HADH: variants seen among roughly 807,000 people sequenced by gnomAD.
The protein encoded by HADH is hydroxyacyl-CoA dehydrogenase.
HADH carries 24 observed loss-of-function variants against 32.2 expected under a neutral mutation model. The observed-to-expected ratio is 0.75, with a 90% confidence interval of 0.54 to 1.05. The LOEUF is 1.05. Ranked by LOEUF, HADH falls within the 50% of genes least tolerant of loss-of-function variation. HADH has a pLI of 0.00. For missense variants in HADH, 350 were observed against 397.1 expected, an observed-to-expected ratio of 0.88 and a Z score of 1.01; for synonymous variants, 139 against 152.5, an observed-to-expected ratio of 0.91 and a Z score of 0.65.
intron 1 of HADH, chr4:108,004,694 A>G (rs1195106394): frequency 1.3e-6 from 2 of 1,527,786 alleles, no homozygotes; most frequent in South Asian, 2.4e-5. Flanking sequence ...GCAATGAGGG[A>G]TAATTCTTTC....
intron 1 of HADH, among the ~76,000 whole-genome samples, chr4:107,994,748 C>T (rs545838474): frequency 1.1e-4 from 17 of 152,202 alleles, no homozygotes; most frequent in East Asian, 3.9e-4. Context: ...CCCTACTTCC[C>T]GAGTTGTTGC....
intron 1 of HADH, among the ~76,000 whole-genome samples, chr4:108,003,840 C>T (rs1430676420): frequency 7.9e-5 from 12 of 151,682 alleles, no homozygotes; most frequent in Admixed American, 2.0e-4. Context: ...AAAAAAAACC[C>T]GCAAGCTATT....
chr4:108,009,178 C>G (rs1434210479), intron 1 of HADH, among the ~76,000 whole-genome samples: 1 of 152,132 alleles, frequency 6.6e-6, no homozygotes, highest in African/African-American at 2.4e-5. Context: ...AAATTCTTAC[C>G]TATTACTGAT....
rs994692222 is a variant in HADH, at chr4:107,990,038, G to A, written c.106G>A (p.Gly36Arg). Residue 36 changes from glycine (G) to arginine (R), a missense_variant, in exon 1 of 8, where the codon GGG becomes AGG. Transcript: ENST00000309522. Reference sequence around the variant, plus strand: ...CAAGCACGTGACGGTCATCGGCGGCGGGCTGATGGGCGCCGGCATTGCCCA... The same window carrying A: ...CAAGCACGTGACGGTCATCGGCGGCAGGCTGATGGGCGCCGGCATTGCCCA... ...IVKHVTVIGG[G>R]LMGAGIAQVA... The A allele has an allele frequency of 1.2e-6, 2 of 1,610,842 alleles. No homozygotes were observed. Among genetic ancestry groups the A allele is most frequent in the Non-Finnish European group, 8.5e-7 (1 of 1,179,136 alleles).
Position 107,989,961 on chromosome 4 carries a change from G to A in HADH, c.29G>A (p.Arg10His). The change falls in exon 1 of 8, where the codon CGT becomes CAT. Residue 10 changes from arginine to histidine, a missense_variant. Physicochemically the swap from Arg to His is conservative, Grantham distance 29. Coordinates refer to ENST00000309522, the MANE Select transcript of HADH (RefSeq NM_005327.7). MAFVTRQFM[R>H]SVSSSSTASA... ...GCCTTCGTCACCAGGCAGTTCATGC[G>A]TTCCGTGTCCTCCTCGTCCACCGCC... 1.2e-6 allele frequency: 2 copies of A among 1,613,010 alleles called. No individual in the cohort carries two copies. Among genetic ancestry groups the A allele is most frequent in the Non-Finnish European group, 1.7e-6 (2 of 1,179,660 alleles).
At chr4:108,033,444 G>C (rs758625328) in intron 7 of HADH, 152 bp downstream of exon 7, 27 of 691,816 alleles carry the variant, frequency 3.9e-5, no homozygotes, top group Non-Finnish European at 6.9e-5. Context: ...CAGATGTCAG[G>C]AGAAGGAAGA....
At chr4:108,004,631 A>G in intron 1 of HADH, 1 of 1,504,036 alleles carries the variant, frequency 6.6e-7, no homozygotes, top group Non-Finnish European at 8.9e-7. Flanking sequence ...AGTAACTGGA[A>G]GCCATAACCA....
intron 1 of HADH, among the ~76,000 whole-genome samples, chr4:108,002,185 C>T (rs77329139): frequency 0.011 from 1,705 of 152,250 alleles, 33 homozygotes; most frequent in African/African-American, 0.039. Context: ...ACTTCTGGTC[C>T]GTGGCCCATT....
chr4:108,018,685 C>G (rs1159248079), intron 3 of HADH, among the ~76,000 whole-genome samples: 3 of 152,112 alleles, frequency 2.0e-5, no homozygotes, highest in Non-Finnish European at 4.4e-5. Context: ...CAAGCCTGGT[C>G]AGTAAGGGAT....
At chr4:108,021,738 G>A (rs1216780821) in intron 4 of HADH, among the ~76,000 whole-genome samples, 1 of 152,160 alleles carries the variant, frequency 6.6e-6, no homozygotes, top group Non-Finnish European at 1.5e-5. Context: ...CTCAGTCTGT[G>A]GTTTTGATGG....
At chr4:108,009,097 A>G (rs1184637320) in intron 1 of HADH, among the ~76,000 whole-genome samples, 1 of 152,110 alleles carries the variant, frequency 6.6e-6, no homozygotes, top group Non-Finnish European at 1.5e-5. Context: ...CAAAGACTTC[A>G]TTTTCTTGGG....
intron 1 of HADH, among the ~76,000 whole-genome samples, chr4:107,995,133 C>G (rs1210866707): frequency 2.6e-5 from 4 of 152,104 alleles, no homozygotes; most frequent in Admixed American, 2.0e-4. Context: ...TGGATGTTCT[C>G]TGTGGCTCCC....
intron 5 of HADH, chr4:108,027,487 A>G (rs1736106113): frequency 1.6e-6 from 1 of 636,804 alleles, no homozygotes; most frequent in South Asian, 1.8e-5. Flanking sequence ...CTGGGTTTGA[A>G]TGTTTTTTTA....
At chr4:107,998,471 G>C (rs1490380958) in intron 1 of HADH, among the ~76,000 whole-genome samples, 1 of 152,118 alleles carries the variant, frequency 6.6e-6, no homozygotes, top group Non-Finnish European at 1.5e-5. Flanking sequence ...GTAGAGACAG[G>C]GTTTCACCAT....
At chr4:108,028,686 G>A (rs1736146412) in intron 6 of HADH, 3 of 393,326 alleles carry the variant, frequency 7.6e-6, no homozygotes, top group Non-Finnish European at 8.9e-6. Context: ...CAACAAATAT[G>A]CCTAATTACA....
At position 107,990,519 on chromosome 4, in the gene HADH, T is replaced by C. The variant is rs221337; in HGVS notation, c.132+455T>C. Among the ~76,000 whole-genome samples the C allele has an allele frequency of 2.6e-5, 4 of 152,240 alleles. No homozygotes were observed. In the South Asian group the frequency reaches 8.3e-4, roughly 32 times the overall value. On this transcript the variant is annotated intron_variant, in intron 1 of 7. Coordinates refer to ENST00000309522, the MANE Select transcript of HADH (RefSeq NM_005327.7). ...TGATTTTTATTCTGTAATTGTGCAGTCTTTGTCAAAGTAGTTTTCTCTCCT... is the reference window on the plus strand; with the variant it reads ...TGATTTTTATTCTGTAATTGTGCAGCCTTTGTCAAAGTAGTTTTCTCTCCT...
intron 1 of HADH, chr4:108,004,971 T>C (rs1023435240): frequency 2.3e-6 from 3 of 1,284,888 alleles, no homozygotes; most frequent in Admixed American, 4.0e-5. Flanking sequence ...AAAAGGAATG[T>C]TAAACGAAGT....
intron 1 of HADH, among the ~76,000 whole-genome samples, chr4:108,009,271 G>A (rs183853766): frequency 2.3e-4 from 35 of 152,340 alleles, no homozygotes; most frequent in African/African-American, 8.4e-4. Context: ...ATGGTGGCTG[G>A]GGAGTGGGTG....
At chr4:108,009,977 C>CAT in intron 2 of HADH, 90 bp downstream of exon 2, 1 of 550,030 alleles carries the variant, frequency 1.8e-6, no homozygotes, top group South Asian at 2.2e-5. Flanking sequence ...TTCTTTCTTT[C>CAT]TTTTTTTTTT....
Sources: gnomAD v4.1 joint callset for allele counts (sites outside exome capture counted in the v4.1 genomes callset) on GRCh38, gnomAD v4.1.1 for gene constraint, MANE v1.5 for transcripts, NCBI Gene and HGNC (gene_info 2026-07-23, HGNC 2026-07-21) for gene names.